LARGE1: variants seen among roughly 807,000 people sequenced by gnomAD.
LARGE1 encodes LARGE xylosyl- and glucuronyltransferase 1.
Under a neutral mutation model 87.6 loss-of-function variants are expected in LARGE1, and 43 were observed. The ratio of observed to expected loss-of-function variants is 0.49; its 90% CI spans 0.38 to 0.63. The LOEUF is 0.63. LARGE1 is among the 30% of genes least tolerant of loss of function. LARGE1 has a pLI of 0.00. For synonymous variants in LARGE1, 434 were observed against 394.6 expected (o/e 1.10, Z -1.18); for missense variants, 802 against 1,000.2 (o/e 0.80, Z 2.67).
chr22:33,625,947 T>C (rs1388251982), intron 4 of LARGE1, among the ~76,000 whole-genome samples: 1 of 152,200 alleles, frequency 6.6e-6, no homozygotes, highest in African/African-American at 2.4e-5. Flanking sequence ...AACTGAGATC[T>C]GGTAAATGCT....
At chr22:33,639,119 G>A (rs535175374) in intron 3 of LARGE1, among the ~76,000 whole-genome samples, 3 of 152,264 alleles carry the variant, frequency 2.0e-5, no homozygotes, top group South Asian at 4.1e-4. Flanking sequence ...CCTTGCTTAC[G>A]GGAATACTTG....
intron 3 of LARGE1, among the ~76,000 whole-genome samples, chr22:33,640,538 G>GT (rs1005199940): frequency 2.0e-4 from 30 of 151,704 alleles, no homozygotes; most frequent in South Asian, 4.2e-4. Context: ...AGCTGCAGGA[G>GT]TTTTTTTTTC....
intron 5 of LARGE1, among the ~76,000 whole-genome samples, chr22:33,584,665 C>T (rs1202639722): frequency 6.8e-6 from 1 of 146,388 alleles, no homozygotes; most frequent in Non-Finnish European, 1.5e-5. Flanking sequence ...GCTGGTTTCC[C>T]TGTGCTACTG....
intron 11 of LARGE1, among the ~76,000 whole-genome samples, chr22:33,262,789 CCCTTT>C (rs955625527): frequency 3.5e-5 from 5 of 144,116 alleles, no homozygotes; most frequent in African/African-American, 5.0e-5. Flanking sequence ...TCCTTCCCTT[CCCTTT>C]CCTTCCTTCC....
chr22:33,552,048 G>A (rs1048702161), intron 6 of LARGE1, among the ~76,000 whole-genome samples: 1 of 151,290 alleles, frequency 6.6e-6, no homozygotes, highest in Non-Finnish European at 1.5e-5. Flanking sequence ...ATTAATCACG[G>A]GTAATACTAA....
At chr22:33,390,741 G>A (rs958415896) in intron 7 of LARGE1, among the ~76,000 whole-genome samples, 9 of 150,532 alleles carry the variant, frequency 6.0e-5, no homozygotes, top group Non-Finnish European at 1.0e-4. Flanking sequence ...CCAGGCTGGA[G>A]TGCAGTGAGT....
chr22:33,409,671 C>T (rs957037779), intron 7 of LARGE1, among the ~76,000 whole-genome samples: 4 of 151,926 alleles, frequency 2.6e-5, no homozygotes, highest in African/African-American at 9.7e-5. Flanking sequence ...ACTATCCTGG[C>T]TAACACAATG....
At chr22:33,069,715 T>C in the LARGE1 span, among the ~76,000 whole-genome samples, 5 of 152,130 alleles carry the variant, frequency 3.3e-5, no homozygotes, top group Non-Finnish European at 5.9e-5. Context: ...TTGAATACAT[T>C]GTATGTACTA....
the LARGE1 span, among the ~76,000 whole-genome samples, chr22:33,087,385 T>C: frequency 1.3e-5 from 2 of 152,300 alleles, no homozygotes; most frequent in Non-Finnish European, 2.9e-5. Flanking sequence ...AGATACATGT[T>C]ACAATATTGC....
chr22:33,820,334 T>A (rs905761465), intron 1 of LARGE1, among the ~76,000 whole-genome samples: 2 of 152,160 alleles, frequency 1.3e-5, no homozygotes, highest in African/African-American at 4.8e-5. Context: ...TTTATTAATT[T>A]TTTTAGAGAC....
intron 2 of LARGE1, among the ~76,000 whole-genome samples, chr22:33,722,005 A>T (rs569468452): frequency 1.3e-5 from 2 of 152,318 alleles, no homozygotes; most frequent in African/African-American, 4.8e-5. Flanking sequence ...TAATCCCAGC[A>T]GTTTGGGAGG....
chr22:33,116,970 T>C, the LARGE1 span, among the ~76,000 whole-genome samples: 3 of 152,186 alleles, frequency 2.0e-5, no homozygotes, highest in Admixed American at 6.5e-5. Context: ...TGCTGCTAGT[T>C]TTCAAGGAAA....
chr22:33,463,253 A>C (rs1338181198), intron 6 of LARGE1, among the ~76,000 whole-genome samples: 1 of 151,802 alleles, frequency 6.6e-6, no homozygotes, highest in Non-Finnish European at 1.5e-5. Context: ...TAAAAGAAAA[A>C]CTCTGAAAAT....
At chr22:33,785,238 C>CATATGTATATATACAT (rs1569446085) in intron 1 of LARGE1, among the ~76,000 whole-genome samples, 19 of 149,204 alleles carry the variant, frequency 1.3e-4, no homozygotes, top group African/African-American at 4.4e-4. Flanking sequence ...TGTATACATA[C>CATATGTATATATACAT]ATATGTGTAT....
intron 1 of LARGE1, among the ~76,000 whole-genome samples, chr22:33,783,465 T>C (rs986454213): frequency 5.3e-5 from 8 of 152,080 alleles, no homozygotes; most frequent in African/African-American, 1.4e-4. Context: ...CTTGGGAGGC[T>C]GTGGCAGGAG....
intron 5 of LARGE1, among the ~76,000 whole-genome samples, chr22:33,598,632 T>G (rs533497540): frequency 6.6e-6 from 1 of 152,276 alleles, no homozygotes; most frequent in East Asian, 1.9e-4. Context: ...AGCTTGGTTT[T>G]CTGTTCTTGT....
chr22:33,748,780 A>G (rs1351165830), intron 2 of LARGE1, among the ~76,000 whole-genome samples: 4 of 152,230 alleles, frequency 2.6e-5, no homozygotes, highest in African/African-American at 9.6e-5. Context: ...TTTTCTCCAA[A>G]CATGGCCAAT....
chr22:33,627,729 C>G (rs146734475), intron 3 of LARGE1, among the ~76,000 whole-genome samples: 1 of 152,274 alleles, frequency 6.6e-6, no homozygotes, highest in South Asian at 2.1e-4. Context: ...CCATCCCACA[C>G]CCTCCAATCC....
intron 6 of LARGE1, among the ~76,000 whole-genome samples, chr22:33,506,727 C>G (rs1248980350): frequency 6.6e-6 from 1 of 152,134 alleles, no homozygotes; most frequent in Non-Finnish European, 1.5e-5. Flanking sequence ...ATGGTGAAAC[C>G]CCGTCTCTAG....
Sources: allele counts gnomAD v4.1 joint callset (sites outside exome capture counted in the v4.1 genomes callset), GRCh38; gene constraint gnomAD v4.1.1; transcripts MANE v1.5; gene names NCBI Gene and HGNC (gene_info 2026-07-23, HGNC 2026-07-21).